ELL: variants seen among roughly 807,000 people sequenced by gnomAD.
ELL encodes RNA polymerase II elongation factor ELL.
A neutral mutation model predicts 64.0 loss-of-function variants in ELL; 18 were observed. That is an observed-to-expected ratio of 0.28 (90% confidence interval 0.19 to 0.42). The LOEUF is 0.42. Ranked by LOEUF, ELL falls within the 10% of genes least tolerant of loss-of-function variation. ELL has a pLI of 1.00. For synonymous variants in ELL, 399 were observed against 376.2 expected, an observed-to-expected ratio of 1.06 and a Z score of -0.70; for missense variants, 797 against 870.4, an observed-to-expected ratio of 0.92 and a Z score of 1.06.
intron 2 of ELL, among the ~76,000 whole-genome samples, chr19:18,466,542 G>A (rs918457710): frequency 1.3e-5 from 2 of 152,188 alleles, no homozygotes; most frequent in African/African-American, 4.8e-5. Context: ...CTTTGGCTGT[G>A]CCCCTGCAGC....
chr19:18,461,454 A>G (rs1455146526), intron 5 of ELL, 124 bp downstream of exon 5: 4 of 1,440,450 alleles, frequency 2.8e-6, no homozygotes, highest in Non-Finnish European at 3.7e-6. Context: ...AACCTGTGAG[A>G]GACCCCAGGA....
At chr19:18,508,537 G>T (rs189114525) in intron 1 of ELL, among the ~76,000 whole-genome samples, 1 of 152,190 alleles carries the variant, frequency 6.6e-6, no homozygotes, top group Non-Finnish European at 1.5e-5. Flanking sequence ...CAACAGCAAG[G>T]CTTCACAGGG....
intron 1 of ELL, among the ~76,000 whole-genome samples, chr19:18,521,043 A>T (rs1976258129): frequency 6.6e-6 from 1 of 152,006 alleles, no homozygotes; most frequent in Non-Finnish European, 1.5e-5. Flanking sequence ...ACCACCAGCC[A>T]GGTGGCAGAA....
In ELL at chr19:18,443,613, GC is replaced by G; in HGVS notation, c.*1138del. 4.3e-6 allele frequency: 1 copy of G among 233,420 alleles called. No individual in the cohort carries two copies. The highest frequency in any genetic ancestry group is 6.0e-5 in the East Asian group (1 of 16,564). The allele number at this position is 233,420 out of a possible 1,614,324, so 14.5% of individuals were successfully genotyped here. On this transcript the variant is annotated 3_prime_UTR_variant, in exon 12 of 12. Coordinates refer to ENST00000262809, the MANE Select transcript of ELL (RefSeq NM_006532.4). ...ACACTCACACACCCACACTTGCGTG[GC>G]CCCCCGATGCTTTGGGGGACACTAG...
At position 18,465,888 on chromosome 19, in the gene ELL, C is replaced by G. The variant is rs771450349; in HGVS notation, c.214G>C (p.Ala72Pro). 4 of 1,323,950 alleles carry G rather than the reference C, an allele frequency of 3.0e-6. No homozygotes were observed. The highest frequency in any genetic ancestry group is 2.1e-4 in the Middle Eastern group (1 of 4,830). 82.0% of individuals were successfully genotyped at this position (1,323,950 alleles called of 1,614,324 possible). Reference sequence around the variant, plus strand: ...TAGAAGGAGAACGTCCGCGCCTCTGCGGGGCAGTCAGGCTGGGGGATGGAG... The same window carrying G: ...TAGAAGGAGAACGTCCGCGCCTCTGGGGGGCAGTCAGGCTGGGGGATGGAG... ...HISIPQPDCPAEARTFSFYLS... is the reference protein window; with the variant it reads ...HISIPQPDCPPEARTFSFYLS... Residue 72 changes from alanine to proline, a missense_variant, in exon 3 of 12, where the codon GCA becomes CCA. Coordinates refer to ENST00000262809, the MANE Select transcript of ELL (RefSeq NM_006532.4).
chr19:18,462,331 T>TGG (rs1463115696), intron 4 of ELL, among the ~76,000 whole-genome samples: 9 of 86,768 alleles, frequency 1.0e-4, no homozygotes, highest in South Asian at 4.3e-4. Flanking sequence ...ATCACTCTAG[T>TGG]GGGCTGTGTG....
At chr19:18,495,437 C>A (rs1975628303) in intron 1 of ELL, among the ~76,000 whole-genome samples, 1 of 152,222 alleles carries the variant, frequency 6.6e-6, no homozygotes, top group Non-Finnish European at 1.5e-5. Flanking sequence ...CACTCACTCG[C>A]ATCCCCATCA....
At chr19:18,521,863 C>T (rs1446146564) in intron 1 of ELL, 58 bp downstream of exon 1, 3 of 1,523,772 alleles carry the variant, frequency 2.0e-6, no homozygotes, top group Non-Finnish European at 2.6e-6. Context: ...GAGGGGAGCG[C>T]GAGGCCGGCC....
chr19:18,521,782 C>T (rs972517693), intron 1 of ELL, 139 bp downstream of exon 1: 1 of 1,309,884 alleles, frequency 7.6e-7, no homozygotes, highest in Admixed American at 3.1e-5. Flanking sequence ...GCGCCCACTC[C>T]GCGCCCCGCC....
intron 1 of ELL, among the ~76,000 whole-genome samples, chr19:18,490,311 G>A (rs1020698759): frequency 6.8e-6 from 1 of 148,122 alleles, no homozygotes; most frequent in African/African-American, 2.5e-5. Flanking sequence ...GCCCCTAAAC[G>A]CAGCATGTTT....
chr19:18,489,614 AG>A (rs1975484569), intron 1 of ELL, among the ~76,000 whole-genome samples: 1 of 152,320 alleles, frequency 6.6e-6, no homozygotes, highest in African/African-American at 2.4e-5. Flanking sequence ...TAAGGCCGGC[AG>A]GCTTAGCCCT....
At chr19:18,498,184 T>C (rs1403288773) in intron 1 of ELL, among the ~76,000 whole-genome samples, 1 of 150,454 alleles carries the variant, frequency 6.6e-6, no homozygotes, top group Non-Finnish European at 1.5e-5. Flanking sequence ...TGCCACTCTG[T>C]GGGGTGGATG....
intron 1 of ELL, among the ~76,000 whole-genome samples, chr19:18,492,867 A>G (rs1435580188): frequency 6.6e-6 from 1 of 152,140 alleles, no homozygotes; most frequent in Non-Finnish European, 1.5e-5. Context: ...TCTCTTCTGG[A>G]AAAATGGGGC....
At position 18,446,786 on chromosome 19, in the gene ELL, A is replaced by G. The variant is rs748345719; in HGVS notation, c.1494T>C (p.Ser498=). The change falls in exon 9 of 12, where the codon AGT becomes AGC. Residue 498 remains serine (S), a synonymous_variant. Coordinates refer to ENST00000262809, the MANE Select transcript of ELL (RefSeq NM_006532.4). ...GCGTCTCCGACGTGGACGTGGGAAC[A>G]CTGGAAACGCTGCAGGTTCCGTTTA... is the stretch of plus-strand genomic sequence containing the variant. The part of the protein sequence containing the change: ...PGLNGTCSVS[S]VPTSTSETPD... 1 of 1,614,092 alleles carries G rather than the reference A, an allele frequency of 6.2e-7. No individual in the cohort carries two copies. The highest frequency in any genetic ancestry group is 2.2e-5 in the East Asian group (1 of 44,882).
rs775807945 is a variant in ELL, at chr19:18,450,544, G to A, written c.1398C>T (p.Pro466=). ...KDKERAAEDK[P]RAQLPDCAPA... ...GTGCACAGTCTGGAAGCTGGGCCCG[G>A]GGCTTGTCCTCAGCCGCCCTCTCCT... The change falls in exon 8 of 12, where the codon CCC becomes CCT. Residue 466 remains proline, a synonymous_variant. Transcript: ENST00000262809. 12 of 1,613,234 alleles carry A rather than the reference G, an allele frequency of 7.4e-6. No individual in the cohort carries two copies. The Middle Eastern group carries it at 1.3e-3, about 177-fold the overall frequency.
intron 1 of ELL, among the ~76,000 whole-genome samples, chr19:18,499,862 G>A (rs1383396195): frequency 2.0e-5 from 3 of 152,158 alleles, no homozygotes; most frequent in African/African-American, 4.8e-5. Context: ...GAGCGGGGCC[G>A]AGGGAGCCAT....
At chr19:18,502,410 G>T (rs1194542320) in intron 1 of ELL, among the ~76,000 whole-genome samples, 1 of 152,188 alleles carries the variant, frequency 6.6e-6, no homozygotes, top group Admixed American at 6.5e-5. Flanking sequence ...CAGGCCTGTG[G>T]TGACTGTGCC....
intron 4 of ELL, among the ~76,000 whole-genome samples, chr19:18,462,149 A>T (rs2144914509): frequency 6.6e-6 from 1 of 151,120 alleles, no homozygotes; most frequent in African/African-American, 2.4e-5. Flanking sequence ...TGGACAGCAA[A>T]ATCACCTGAT....
At chr19:18,479,205 G>A (rs113163144) in intron 1 of ELL, among the ~76,000 whole-genome samples, 97 of 152,280 alleles carry the variant, frequency 6.4e-4, no homozygotes, top group African/African-American at 2.0e-3. Context: ...CTGGCTCGGG[G>A]GAGGCCAGGG....
Sources: gnomAD v4.1 joint callset for allele counts (sites outside exome capture counted in the v4.1 genomes callset) on GRCh38, gnomAD v4.1.1 for gene constraint, MANE v1.5 for transcripts, NCBI Gene and HGNC (gene_info 2026-07-23, HGNC 2026-07-21) for gene names.